GPR39: variants seen among roughly 807,000 people sequenced by gnomAD.
GPR39 encodes the protein G protein-coupled receptor 39.
In GPR39, 23 loss-of-function variants were observed where a neutral mutation model predicts 18.4. That is an observed-to-expected ratio of 1.25 (90% confidence interval 0.90 to 1.77). GPR39 has a LOEUF of 1.77. Among genes scored for constraint, GPR39 ranks in the 40% most tolerant of loss-of-function variants. The probability of loss-of-function intolerance (pLI) is 0.00; values close to 1 mark genes in which losing one functional copy is unlikely to be tolerated. For synonymous variants in GPR39, 280 were observed against 257.9 expected (o/e 1.09, Z -0.82); for missense variants, 647 against 602.4 (o/e 1.07, Z -0.78).
At chr2:132,469,387 A>G (rs1680988321) in intron 1 of GPR39, among the ~76,000 whole-genome samples, 1 of 152,190 alleles carries the variant, frequency 6.6e-6, no homozygotes, top group South Asian at 2.1e-4. Flanking sequence ...TTATATTGGC[A>G]AATTGTTATC....
At chr2:132,636,170 G>C (rs1469553843) in intron 1 of GPR39, among the ~76,000 whole-genome samples, 3 of 152,154 alleles carry the variant, frequency 2.0e-5, no homozygotes, top group African/African-American at 7.2e-5. Flanking sequence ...CTGGTGTCTG[G>C]TTTTACCTTT....
chr2:132,577,276 G>C (rs562935604), intron 1 of GPR39, among the ~76,000 whole-genome samples: 1 of 152,134 alleles, frequency 6.6e-6, no homozygotes, highest in Non-Finnish European at 1.5e-5. Flanking sequence ...AGGATTGCTT[G>C]AGCCTTGGAG....
At chr2:132,627,183 T>C (rs1219077236) in intron 1 of GPR39, among the ~76,000 whole-genome samples, 1 of 152,186 alleles carries the variant, frequency 6.6e-6, no homozygotes, top group Non-Finnish European at 1.5e-5. Flanking sequence ...GTGTCCCTGA[T>C]TGTCCACTGC....
intron 1 of GPR39, among the ~76,000 whole-genome samples, chr2:132,633,024 C>T (rs1449055243): frequency 6.6e-6 from 1 of 152,190 alleles, no homozygotes; most frequent in East Asian, 1.9e-4. Flanking sequence ...CACCTCCCCA[C>T]TGCTGCCTCC....
Position 132,546,217 on chromosome 2 carries a change from T to C in GPR39, c.857-98884T>C, listed in dbSNP as rs182574559. Among the ~76,000 whole-genome samples, 91 of 152,272 alleles carry C rather than the reference T, an allele frequency of 6.0e-4. 1 individual carries two copies. The highest frequency in any genetic ancestry group is 5.8e-3 in the Admixed American group (89 of 15,298). ...ACTCCCAGGGCTTGTTCAACACAGA[T>C]TACGGGTCCCCACTCTAGAGTTGTA... On this transcript the variant is annotated intron_variant, in intron 1 of 1. Transcript: ENST00000329321.
intron 1 of GPR39, among the ~76,000 whole-genome samples, chr2:132,465,954 A>C (rs1179940116): frequency 6.6e-6 from 1 of 152,228 alleles, no homozygotes; most frequent in African/African-American, 2.4e-5. Context: ...TTATATGTAT[A>C]GTATTGATGA....
At chr2:132,508,867 C>T (rs1679183480) in intron 1 of GPR39, among the ~76,000 whole-genome samples, 1 of 152,144 alleles carries the variant, frequency 6.6e-6, no homozygotes, top group African/African-American at 2.4e-5. Flanking sequence ...TCCCAGTTGT[C>T]CACCAGTCCA....
At chr2:132,567,194 T>C (rs1394836164) in intron 1 of GPR39, among the ~76,000 whole-genome samples, 1 of 152,156 alleles carries the variant, frequency 6.6e-6, no homozygotes, top group Admixed American at 6.5e-5. Context: ...TGGCGGCACA[T>C]GCCTGTAATC....
chr2:132,616,515 A>G (rs934903183), intron 1 of GPR39, among the ~76,000 whole-genome samples: 3 of 152,188 alleles, frequency 2.0e-5, no homozygotes, highest in African/African-American at 7.2e-5. Context: ...GGTAATGTGA[A>G]GGAAAAGTTG....
At chr2:132,419,708 A>G (rs1679973356) in intron 1 of GPR39, among the ~76,000 whole-genome samples, 1 of 152,170 alleles carries the variant, frequency 6.6e-6, no homozygotes, top group South Asian at 2.1e-4. Context: ...TGTAAGGTGT[A>G]ATTTATACTT....
chr2:132,470,995 T>A (rs970493590), intron 1 of GPR39, among the ~76,000 whole-genome samples: 3 of 152,298 alleles, frequency 2.0e-5, no homozygotes, highest in Middle Eastern at 3.4e-3. Context: ...TGGAATCCAC[T>A]TTCTATCCAC....
chr2:132,562,210 CA>C (rs1033459049), intron 1 of GPR39, among the ~76,000 whole-genome samples: 2 of 152,006 alleles, frequency 1.3e-5, no homozygotes, highest in African/African-American at 4.8e-5. Context: ...GGTTAAGAGC[CA>C]CTGCTTTCAT....
chr2:132,646,113 C>T lies in GPR39; in HGVS notation c.*507C>T, dbSNP rs908505086. The T allele has an allele frequency of 2.4e-5, 39 of 1,608,274 alleles. No individual in the cohort carries two copies. The highest frequency in any genetic ancestry group is 3.3e-5 in the Non-Finnish European group (39 of 1,176,872). ...GTGGTGCGGAGCCCTGGCCTGAGGG[C>T]CGAGGCAGAACTTCCCCTTTTCTTG... On this transcript the variant is annotated 3_prime_UTR_variant, in exon 2 of 2. Transcript: ENST00000329321.
At chr2:132,525,546 C>T (rs1328299014) in intron 1 of GPR39, among the ~76,000 whole-genome samples, 1 of 152,196 alleles carries the variant, frequency 6.6e-6, no homozygotes, top group Non-Finnish European at 1.5e-5. Context: ...ACGCAGAATT[C>T]AGTTTGATGC....
At chr2:132,580,727 G>A (rs1385016158) in intron 1 of GPR39, among the ~76,000 whole-genome samples, 1 of 152,114 alleles carries the variant, frequency 6.6e-6, no homozygotes, top group Non-Finnish European at 1.5e-5. Context: ...ACTTTGGGAG[G>A]CCAAGGTGGG....
Position 132,482,560 on chromosome 2 carries a change from A to C in GPR39, c.856+64662A>C, listed in dbSNP as rs545950952. Among the ~76,000 whole-genome samples, 44 of 152,270 alleles carry C rather than the reference A, an allele frequency of 2.9e-4. 1 individual carries two copies. In the South Asian group the frequency reaches 8.9e-3, roughly 31 times the overall value. ...AGTGGACGAGCAGTTCAGATTCAAG[A>C]GAAGGGGAAACAAGCTCTAGGTTGG... On this transcript the variant is annotated intron_variant, in intron 1 of 1. Transcript: ENST00000329321.
chr2:132,524,434 C>G (rs1016689609), intron 1 of GPR39, among the ~76,000 whole-genome samples: 2 of 152,130 alleles, frequency 1.3e-5, no homozygotes, highest in Admixed American at 6.5e-5. Context: ...TGAGGGCTCC[C>G]TTCCTCCCAT....
At chr2:132,561,588 AC>A in intron 1 of GPR39, among the ~76,000 whole-genome samples, 1 of 87,894 alleles carries the variant, frequency 1.1e-5, no homozygotes, top group African/African-American at 4.8e-5. Context: ...ACACACACAC[AC>A]ACACACACAC....
chr2:132,595,416 T>C (rs1262753378), intron 1 of GPR39, among the ~76,000 whole-genome samples: 1 of 152,190 alleles, frequency 6.6e-6, no homozygotes, highest in Non-Finnish European at 1.5e-5. Context: ...ATTTTGTTTT[T>C]TTCAAGTGGG....
Sources: allele counts gnomAD v4.1 joint callset (sites outside exome capture counted in the v4.1 genomes callset), GRCh38; gene constraint gnomAD v4.1.1; transcripts MANE v1.5; gene names NCBI Gene and HGNC (gene_info 2026-07-23, HGNC 2026-07-21).